Variants in MTOR observed in about 807,000 individuals in gnomAD.
MTOR encodes the protein serine/threonine-protein kinase mTOR.
A neutral mutation model predicts 319.8 loss-of-function variants in MTOR; 70 were observed. That is an observed-to-expected ratio of 0.22 (90% CI 0.18 to 0.27). The LOEUF (loss-of-function observed/expected upper bound fraction) is 0.27, where lower values mean the gene tolerates loss of function less well. Ranked by LOEUF, MTOR falls within the 10% of genes least tolerant of loss-of-function variation. The pLI is 1.00. For synonymous variants in MTOR, 1,183 were observed against 1,211.4 expected (o/e 0.98, Z 0.49); for missense variants, 1,890 against 3,274.4 (o/e 0.58, Z 10.32).
rs200143518 is a variant in MTOR at position 11,230,976 on chromosome 1, G to A, written c.2728C>T (p.Arg910Trp). Residue 910 changes from arginine (R) to tryptophan (W), a missense_variant, in exon 18 of 58, where the codon CGG becomes TGG. Coordinates refer to ENST00000361445, the MANE Select transcript of MTOR (RefSeq NM_004958.4). ...KVNIGMIDQSRDASAVSLSES... is the reference protein window; with the variant it reads ...KVNIGMIDQSWDASAVSLSES... ...GACAGGCTGACAGCAGAGGCATCCC[G>A]GGACTGGTCTATCATGCCAATGTTC... 1.3e-5 allele frequency: 21 copies of A among 1,613,976 alleles called. No homozygotes were observed. Among genetic ancestry groups the A allele is most frequent in the South Asian group, 4.4e-5 (4 of 91,076 alleles).
At chr1:11,228,640 G>A (rs1553123807) in intron 19 of MTOR, 28 bp downstream of exon 19, 4 of 1,608,904 alleles carry the variant, frequency 2.5e-6, no homozygotes, top group Non-Finnish European at 3.4e-6. Flanking sequence ...AGAGGAGAAA[G>A]AGAAGGATTG....
At chr1:11,241,501 G>T in intron 10 of MTOR, 52 bp downstream of exon 10, 2 of 1,561,138 alleles carry the variant, frequency 1.3e-6, no homozygotes, top group Non-Finnish European at 8.7e-7. Flanking sequence ...TCCCAACACT[G>T]GGGGCCAAGC....
chr1:11,251,655 CTTTTTTTT>C (rs761523542), intron 6 of MTOR, among the ~76,000 whole-genome samples: 7 of 113,718 alleles, frequency 6.2e-5, no homozygotes, highest in East Asian at 4.9e-4. Flanking sequence ...TAGATAGTTT[CTTTTTTTT>C]TTTTTTTTTT....
At chr1:11,242,495 C>T (rs1018884348) in intron 9 of MTOR, among the ~76,000 whole-genome samples, 13 of 87,926 alleles carry the variant, frequency 1.5e-4, no homozygotes, top group Admixed American at 4.5e-4. Flanking sequence ...AGTAAGACTC[C>T]ATCTCAAAAA....
chr1:11,259,107 G>T, intron 2 of MTOR, 141 bp downstream of exon 2: 1 of 1,005,784 alleles, frequency 9.9e-7, no homozygotes, highest in Non-Finnish European at 1.4e-6. Flanking sequence ...CATGTTTTAT[G>T]GATGTGACAG....
chr1:11,184,432 C>T (rs12118640), intron 28 of MTOR, among the ~76,000 whole-genome samples: 8,987 of 152,144 alleles, frequency 0.059, 375 homozygotes, highest in South Asian at 0.12. Context: ...CATTCATTTG[C>T]GGTGAAAAAA....
chr1:11,169,253 C>T (rs777052484), intron 28 of MTOR, among the ~76,000 whole-genome samples: 2 of 152,158 alleles, frequency 1.3e-5, no homozygotes, highest in African/African-American at 2.4e-5. Context: ...GTTTACAAAG[C>T]GTTTTCAAAT....
chr1:11,155,673 C>T (rs1644293954), intron 30 of MTOR, among the ~76,000 whole-genome samples: 1 of 152,198 alleles, frequency 6.6e-6, no homozygotes. Context: ...ATCGTTTCCT[C>T]CCGGTATCTT....
chr1:11,239,545 T>G (rs1391553913), intron 11 of MTOR, among the ~76,000 whole-genome samples: 1 of 152,100 alleles, frequency 6.6e-6, no homozygotes, highest in Non-Finnish European at 1.5e-5. Flanking sequence ...CCCTGAAATA[T>G]ATCTCTGTGG....
At chr1:11,130,955 CACTT>C (rs1463198108) in intron 38 of MTOR, 178 bp from the exon 39 acceptor site, 3 of 760,864 alleles carry the variant, frequency 3.9e-6, no homozygotes, top group Non-Finnish European at 6.2e-6. Context: ...ATGATCCACT[CACTT>C]TGTGGAGCAC....
intron 28 of MTOR, among the ~76,000 whole-genome samples, chr1:11,168,867 A>G (rs1189321666): frequency 6.6e-6 from 1 of 152,184 alleles, no homozygotes; most frequent in Non-Finnish European, 1.5e-5. Context: ...TATAAGCCTG[A>G]GTTATGGAAG....
At chr1:11,163,639 C>T (rs936300319) in intron 29 of MTOR, among the ~76,000 whole-genome samples, 16 of 152,232 alleles carry the variant, frequency 1.1e-4, no homozygotes, top group Non-Finnish European at 1.9e-4. Flanking sequence ...TCATTCAAAA[C>T]CGCTCAACTA....
In MTOR at chr1:11,130,627, T is replaced by TGGCAGAGGCGGCCGTGGTGGC. The variant is rs1643096532; in HGVS notation, c.5514_5515insGCCACCACGGCCGCCTCTGCC (p.Ala1838_Thr1839insAlaThrThrAlaAlaSerAla). 1 of 1,613,958 alleles carries TGGCAGAGGCGGCCGTGGTGGC rather than the reference T, an allele frequency of 6.2e-7. No homozygotes were observed. The highest frequency in any genetic ancestry group is 8.5e-7 in the Non-Finnish European group (1 of 1,179,978). On this transcript the variant is annotated inframe_insertion, in exon 39 of 58. Transcript: ENST00000361445. ...CTGCCCTCGGTGCTGGCAGTGGTGG[T>TGGCAGAGGCGGCCGTGGTGGC]GGCAGTGGCGGCCGTGGTGGCGGCA... is the stretch of plus-strand genomic sequence containing the variant.
rs138956555 is a variant in MTOR, at chr1:11,212,176, A to T, written c.3561+136T>A. 4.8e-5 allele frequency: 53 copies of T among 1,107,416 alleles called. No homozygotes were observed. In the East Asian group the frequency reaches 1.2e-3, roughly 26 times the overall value. 68.6% of individuals were successfully genotyped at this position (1,107,416 alleles called of 1,614,324 possible). A position where few individuals can be genotyped will look rare whatever the true frequency, so the allele number is the denominator to read the frequency against. On this transcript the variant is annotated intron_variant, in intron 23 of 57. Transcript: ENST00000361445. This position sits in a 1 kb window ranked among gnomAD's most constrained non-coding sequence, Gnocchi z 4.1. ...TGCTCAATAAATGTTTGCTGAACAC[A>T]TGAAAAGAAAAAAAGCAAGTAATTC... is the stretch of plus-strand genomic sequence containing the variant.
intron 28 of MTOR, among the ~76,000 whole-genome samples, chr1:11,171,750 C>G (rs1557801104): frequency 6.6e-6 from 1 of 151,978 alleles, no homozygotes; most frequent in Non-Finnish European, 1.5e-5. Flanking sequence ...AAGAGAGAGT[C>G]CAGGCCAGGC....
At position 11,135,690 on chromosome 1, in the gene MTOR, G is replaced by A. The variant is rs539202734; in HGVS notation, c.5131-1224C>T. ...TCTACCAAAAATACAAAAATTAGCCGGGCGTGGTGGGGCGCGCCTGTAATC... is the reference window on the plus strand; with the variant it reads ...TCTACCAAAAATACAAAAATTAGCCAGGCGTGGTGGGGCGCGCCTGTAATC... On this transcript the variant is annotated intron_variant, in intron 36 of 57. Coordinates refer to ENST00000361445, the MANE Select transcript of MTOR (RefSeq NM_004958.4). Among the ~76,000 whole-genome samples, 61 of 150,592 alleles carry A rather than the reference G, an allele frequency of 4.1e-4. No individual in the cohort carries two copies. In the South Asian group the frequency reaches 8.4e-3, roughly 21 times the overall value.
intron 19 of MTOR, among the ~76,000 whole-genome samples, chr1:11,221,055 T>C (rs1446529150): frequency 6.6e-6 from 1 of 151,780 alleles, no homozygotes; most frequent in African/African-American, 2.4e-5. Context: ...AGTGCAGTGG[T>C]CCAATCTTGG....
rs78975320 is a variant in MTOR, at chr1:11,241,900, T to C, written c.1413-219A>G. On this transcript the variant is annotated intron_variant, in intron 9 of 57. Transcript: ENST00000361445. ...ATCCAGCAGATGGCAGTAAAGTGTC[T>C]TAAGGAAGGGGCCTTTTTTCTGAAT... Among the ~76,000 whole-genome samples the C allele has an allele frequency of 0.028, 4,292 of 152,274 alleles. 99 individuals carry two copies. The highest frequency in any genetic ancestry group is 0.042 in the Non-Finnish European group (2,878 of 68,016).
chr1:11,115,339 AG>A lies in MTOR; in HGVS notation c.7089+56del. The A allele has an allele frequency of 6.5e-7, 1 of 1,544,196 alleles. No homozygotes were observed. ...TTAAGTCTGCCTACAGTGTCAGAGG[AG>A]GGGGAAAAGTGATCACCCGGGAAGA... On this transcript the variant is annotated intron_variant, in intron 51 of 57. Transcript: ENST00000361445. This position sits in a 1 kb window ranked among gnomAD's most constrained non-coding sequence, Gnocchi z 4.5.
Sources: gnomAD v4.1 joint callset for allele counts (sites outside exome capture counted in the v4.1 genomes callset) on GRCh38, gnomAD v4.1.1 for gene constraint, Gnocchi (gnomAD v3.1) non-coding constraint, MANE v1.5 for transcripts, NCBI Gene and HGNC (gene_info 2026-07-23, HGNC 2026-07-21) for gene names.